Variants in NRG1 observed in about 807,000 individuals in gnomAD.
NRG1 encodes pro-neuregulin-1, membrane-bound isoform.
Under a neutral mutation model 63.8 loss-of-function variants are expected in NRG1, and 18 were observed. The observed-to-expected ratio is 0.28, with a 90% CI of 0.19 to 0.42. The LOEUF is 0.42. NRG1 is among the 10% of genes least tolerant of loss of function. NRG1 has a pLI of 1.00. For synonymous variants in NRG1, 302 were observed against 301.3 expected (o/e 1.00, Z -0.02); for missense variants, 762 against 814.7 (o/e 0.94, Z 0.79).
chr8:31,838,646 T>C (rs974381902), intron 1 of NRG1, among the ~76,000 whole-genome samples: 1 of 152,190 alleles, frequency 6.6e-6, no homozygotes. Context: ...CAATAACTTT[T>C]ACCATCTATA....
At chr8:32,318,790 G>A (rs1011553111) in intron 1 of NRG1, among the ~76,000 whole-genome samples, 3 of 152,182 alleles carry the variant, frequency 2.0e-5, no homozygotes, top group Admixed American at 6.5e-5. Flanking sequence ...TTGCAATTCC[G>A]TTTGCAATTC....
chr8:32,435,776 T>C (rs190549224), intron 1 of NRG1, among the ~76,000 whole-genome samples: 50 of 152,292 alleles, frequency 3.3e-4, no homozygotes, highest in African/African-American at 1.1e-3. Context: ...AATTCATAAA[T>C]ATTTATTTTT....
chr8:31,959,105 A>G (rs1804976470), intron 1 of NRG1, among the ~76,000 whole-genome samples: 1 of 152,228 alleles, frequency 6.6e-6, no homozygotes, highest in Admixed American at 6.5e-5. Context: ...TATCTGGTAC[A>G]GAGGCCAGCA....
intron 1 of NRG1, among the ~76,000 whole-genome samples, chr8:32,454,116 G>C (rs1253928953): frequency 3.9e-5 from 6 of 152,156 alleles, no homozygotes. Flanking sequence ...TATCAGGATT[G>C]CTGCTGAGTA....
chr8:31,664,616 A>G (rs1386995695), intron 1 of NRG1, among the ~76,000 whole-genome samples: 1 of 152,216 alleles, frequency 6.6e-6, no homozygotes, highest in Non-Finnish European at 1.5e-5. Context: ...TCCACTTACC[A>G]TTATAATGAG....
At chr8:31,672,777 G>A (rs1423822246) in intron 1 of NRG1, among the ~76,000 whole-genome samples, 1 of 151,990 alleles carries the variant, frequency 6.6e-6, no homozygotes, top group Non-Finnish European at 1.5e-5. Flanking sequence ...TCATTTAGTT[G>A]GCATCCTCGA....
intron 1 of NRG1, among the ~76,000 whole-genome samples, chr8:31,878,037 G>T (rs758219714): frequency 6.6e-6 from 1 of 152,076 alleles, no homozygotes; most frequent in Non-Finnish European, 1.5e-5. Flanking sequence ...ATTTTTCCAG[G>T]AGATGCTCAA....
intron 5 of NRG1, among the ~76,000 whole-genome samples, chr8:32,640,816 G>T (rs1015960212): frequency 1.3e-5 from 2 of 151,900 alleles, no homozygotes; most frequent in African/African-American, 4.8e-5. Context: ...ATACATATCG[G>T]CAGGCGTGGT....
intron 1 of NRG1, among the ~76,000 whole-genome samples, chr8:31,698,996 CT>C (rs1402957144): frequency 6.6e-6 from 1 of 152,174 alleles, no homozygotes; most frequent in African/African-American, 2.4e-5. Flanking sequence ...AAAAATCAGT[CT>C]TCTCATTGGT....
chr8:32,619,380 T>C (rs1035594792), intron 5 of NRG1, among the ~76,000 whole-genome samples: 37 of 152,004 alleles, frequency 2.4e-4, no homozygotes, highest in African/African-American at 8.2e-4. Flanking sequence ...GGATGAAATA[T>C]AGAAGATGAG....
At chr8:32,388,206 C>T (rs898122911) in intron 1 of NRG1, among the ~76,000 whole-genome samples, 1 of 152,116 alleles carries the variant, frequency 6.6e-6, no homozygotes, top group Admixed American at 6.5e-5. Context: ...AGTTGAAGAA[C>T]TTTTAAGGGT....
At chr8:32,496,034 T>A (rs905469321) in intron 1 of NRG1, among the ~76,000 whole-genome samples, 1 of 152,200 alleles carries the variant, frequency 6.6e-6, no homozygotes, top group African/African-American at 2.4e-5. Context: ...AAAAGATTCC[T>A]CCAGGACTTT....
chr8:32,089,503 G>C (rs559912847), intron 1 of NRG1, among the ~76,000 whole-genome samples: 1 of 151,974 alleles, frequency 6.6e-6, no homozygotes, highest in East Asian at 1.9e-4. Context: ...TATTTCAAAC[G>C]GAAAATTTTT....
In NRG1 at chr8:32,175,715, G is replaced by A. The variant is rs1194460248; in HGVS notation, c.38-420113G>A. On this transcript the variant is annotated intron_variant, in intron 1 of 10. Coordinates refer to the NRG1 transcript ENST00000519301. Reference sequence around the variant, plus strand: ...AGACAAACAGAGAGCCAAATCATGAGTGAACTCCCATTCACAATTGCTTCA... The same window carrying A: ...AGACAAACAGAGAGCCAAATCATGAATGAACTCCCATTCACAATTGCTTCA... Among the ~76,000 whole-genome samples, 5 of 152,268 alleles carry A rather than the reference G, an allele frequency of 3.3e-5. No homozygotes were observed. In the South Asian group the frequency reaches 8.3e-4, roughly 25 times the overall value.
rs138568824 is a variant in NRG1, at chr8:32,635,383, T to A, written c.502+18498T>A. Among the ~76,000 whole-genome samples the A allele has an allele frequency of 6.3e-3, 965 of 152,330 alleles. 12 individuals carry two copies. The highest frequency in any genetic ancestry group is 0.022 in the African/African-American group (914 of 41,576). On this transcript the variant is annotated intron_variant, in intron 5 of 11. Transcript: ENST00000356819. The stretch of plus-strand genomic sequence containing the variant: ...ACCTTAAAATTTGAAATCTACTGCT[T>A]TTGAAAAGCAGGTCATCCTGAGGTT...
chr8:31,722,020 T>G (rs938166086), intron 1 of NRG1, among the ~76,000 whole-genome samples: 3 of 152,094 alleles, frequency 2.0e-5, no homozygotes, highest in African/African-American at 7.2e-5. Flanking sequence ...TTCCAAACTT[T>G]CCTTTCCATC....
At chr8:32,485,692 G>A (rs184065940) in intron 1 of NRG1, among the ~76,000 whole-genome samples, 2 of 152,302 alleles carry the variant, frequency 1.3e-5, no homozygotes, top group African/African-American at 2.4e-5. Flanking sequence ...AACCAAACAA[G>A]TAAACAATTG....
Position 31,885,044 on chromosome 8 carries a change from C to T in NRG1, c.37+245613C>T, listed in dbSNP as rs1048196812. ...GATCCAGTTTCAAGTAAATAAGCAA[C>T]GAATAAGAAGAAATTGTGTTTCTTT... On this transcript the variant is annotated intron_variant, in intron 1 of 10. Coordinates refer to the NRG1 transcript ENST00000519301. Among the ~76,000 whole-genome samples the T allele has an allele frequency of 3.9e-5, 6 of 152,076 alleles. No homozygotes were observed. The South Asian group carries it at 8.3e-4, about 21-fold the overall frequency.
intron 1 of NRG1, among the ~76,000 whole-genome samples, chr8:31,676,696 A>T (rs114720355): frequency 4.0e-4 from 61 of 152,310 alleles, no homozygotes; most frequent in African/African-American, 1.4e-3. Flanking sequence ...AAGAGCAAGG[A>T]TTCTGGAATC....
Sources: gnomAD v4.1 joint callset for allele counts (sites outside exome capture counted in the v4.1 genomes callset) on GRCh38, gnomAD v4.1.1 for gene constraint, MANE v1.5 for transcripts, NCBI Gene and HGNC (gene_info 2026-07-23, HGNC 2026-07-21) for gene names.